Variants in C12orf56 observed in about 807,000 individuals in gnomAD.
C12orf56 encodes the protein chromosome 12 open reading frame 56, also known as uncharacterized protein C12orf56.
Under a neutral mutation model 69.9 loss-of-function variants are expected in C12orf56, and 71 were observed. The ratio of observed to expected loss-of-function variants is 1.02; its 90% CI spans 0.84 to 1.24. C12orf56 has a LOEUF of 1.24. Among genes scored for constraint, C12orf56 ranks in the 50% most tolerant of loss-of-function variants. The probability of loss-of-function intolerance (pLI) is 0.00; values close to 1 mark genes in which losing one functional copy is unlikely to be tolerated. For missense variants in C12orf56, 732 were observed against 738.5 expected, an observed-to-expected ratio of 0.99 and a Z score of 0.10; for synonymous variants, 276 against 274.1, an observed-to-expected ratio of 1.01 and a Z score of -0.07.
chr12:64,363,671 T>C (rs1044243542), intron 1 of C12orf56, among the ~76,000 whole-genome samples: 1 of 152,130 alleles, frequency 6.6e-6, no homozygotes, highest in Non-Finnish European at 1.5e-5. Flanking sequence ...CGTACAAATC[T>C]TTTTGCGGAA....
At chr12:64,323,216 A>C (rs1376668534) in intron 3 of C12orf56, among the ~76,000 whole-genome samples, 2 of 152,182 alleles carry the variant, frequency 1.3e-5, no homozygotes, top group African/African-American at 4.8e-5. Context: ...GGGACACTCA[A>C]GCCCCCAGTT....
intron 7 of C12orf56, 129 bp downstream of exon 7, chr12:64,285,825 A>C (rs2038193114): frequency 2.2e-6 from 1 of 458,602 alleles, no homozygotes; most frequent in Admixed American, 4.0e-5. Flanking sequence ...TAAAAATAAA[A>C]TCCACAGGAA....
At chr12:64,371,211 G>C (rs1050285417) in intron 1 of C12orf56, among the ~76,000 whole-genome samples, 2 of 151,788 alleles carry the variant, frequency 1.3e-5, no homozygotes, top group Non-Finnish European at 2.9e-5. Flanking sequence ...AGACCAGCCT[G>C]GCTAACACGG....
At chr12:64,389,150 A>G (rs963599638) in intron 1 of C12orf56, 2 of 152,162 alleles carry the variant, frequency 1.3e-5, no homozygotes, top group Non-Finnish European at 2.9e-5. Flanking sequence ...CCTGTCCCCA[A>G]CGGAAAAACC....
chr12:64,339,697 G>T (rs1404203148), intron 2 of C12orf56, among the ~76,000 whole-genome samples: 1 of 152,002 alleles, frequency 6.6e-6, no homozygotes, highest in Non-Finnish European at 1.5e-5. Context: ...TGAGTAGCTG[G>T]GACTACAGGT....
intron 9 of C12orf56, among the ~76,000 whole-genome samples, chr12:64,275,996 T>G (rs2038045324): frequency 1.2e-5 from 1 of 86,314 alleles, no homozygotes; most frequent in Non-Finnish European, 2.2e-5. Flanking sequence ...AATGTAGAAA[T>G]ACACACCCCC....
Position 64,286,078 on chromosome 12 carries a change from A to C in C12orf56, c.1114-18T>G. 6.9e-7 allele frequency: 1 copy of C among 1,450,440 alleles called. No homozygotes were observed. The highest frequency in any genetic ancestry group is 9.5e-7 in the Non-Finnish European group (1 of 1,048,456). 89.8% of individuals were successfully genotyped at this position (1,450,440 alleles called of 1,614,324 possible). On this transcript the variant is annotated intron_variant, in intron 6 of 12. Coordinates refer to ENST00000543942, the MANE Select transcript of C12orf56 (RefSeq NM_001170633.2). ...TCACTGGTCTGTGAAAGCAAGTTGG[A>C]AAAAAAGACAGTAATTAAGGTATCT...
chr12:64,354,564 T>C (rs546702853), intron 1 of C12orf56, among the ~76,000 whole-genome samples: 2 of 152,104 alleles, frequency 1.3e-5, no homozygotes, highest in African/African-American at 4.8e-5. Flanking sequence ...TACAAGCGAT[T>C]CTCCTGCCTC....
At chr12:64,307,313 A>G (rs1162666181) in intron 5 of C12orf56, among the ~76,000 whole-genome samples, 1 of 151,076 alleles carries the variant, frequency 6.6e-6, no homozygotes, top group East Asian at 1.9e-4. Context: ...TTACAAAATG[A>G]TTATCACACC....
At chr12:64,330,853 A>G in intron 3 of C12orf56, 107 bp downstream of exon 3, 1 of 849,198 alleles carries the variant, frequency 1.2e-6, no homozygotes, top group Non-Finnish European at 1.8e-6. Flanking sequence ...GATTAATAGA[A>G]CTCAGTCCAA....
At chr12:64,386,874 T>TTTGAGGCCAGGTGGTCAGGAGA (rs1173199112) in intron 1 of C12orf56, among the ~76,000 whole-genome samples, 1 of 149,442 alleles carries the variant, frequency 6.7e-6, no homozygotes, top group Non-Finnish European at 1.5e-5. Flanking sequence ...TGGTCAGGAG[T>TTTGAGGCCAGGTGGTCAGGAGA]TTGAGACCAG....
At chr12:64,297,923 A>G (rs919659793) in intron 6 of C12orf56, among the ~76,000 whole-genome samples, 6 of 152,310 alleles carry the variant, frequency 3.9e-5, no homozygotes, top group Non-Finnish European at 8.8e-5. Context: ...GCTGAGTTAA[A>G]TGGTATTTCT....
intron 8 of C12orf56, among the ~76,000 whole-genome samples, chr12:64,279,061 G>A (rs1178719792): frequency 6.6e-6 from 1 of 151,984 alleles, no homozygotes; most frequent in Admixed American, 6.6e-5. Flanking sequence ...TGTTAATAAT[G>A]TACAGCATTT....
chr12:64,328,734 T>A (rs2038887279), intron 3 of C12orf56, among the ~76,000 whole-genome samples: 4 of 121,968 alleles, frequency 3.3e-5, no homozygotes, highest in Non-Finnish European at 3.5e-5. Context: ...TATATATATA[T>A]ATAGTATCAC....
At chr12:64,310,825 C>T (rs2136822099) in intron 5 of C12orf56, among the ~76,000 whole-genome samples, 1 of 151,874 alleles carries the variant, frequency 6.6e-6, no homozygotes, top group Middle Eastern at 3.4e-3. Flanking sequence ...CCCATTAACT[C>T]GTCGTTTACA....
chr12:64,313,274 A>AGAAAGAAAGAAAGAAAG lies in C12orf56; in HGVS notation c.895-523_895-522insCTTTCTTTCTTTCTTTC, dbSNP rs1555188665. On this transcript the variant is annotated intron_variant, in intron 4 of 12. Transcript: ENST00000543942. ...GAGACTCTGTCTCAAAAAAAAAAAAAAAAGAAAGAAAGAAAGAAAGAAAGA... is the reference window on the plus strand; with the variant it reads ...GAGACTCTGTCTCAAAAAAAAAAAAAGAAAGAAAGAAAGAAAGAAAGAAAGAAAGAAAGAAAGAAAGA... Among the ~76,000 whole-genome samples, 7 of 81,404 alleles carry AGAAAGAAAGAAAGAAAG rather than the reference A, an allele frequency of 8.6e-5. No homozygotes were observed. The South Asian group carries it at 2.1e-3, about 25-fold the overall frequency. The allele number at this position is 81,404 out of a possible 152,430, so 53.4% of individuals were successfully genotyped here. A position where few individuals can be genotyped will look rare whatever the true frequency, so the allele number is the denominator to read the frequency against.
At chr12:64,380,103 G>GC (rs1565783002) in intron 1 of C12orf56, among the ~76,000 whole-genome samples, 1 of 19,742 alleles carries the variant, frequency 5.1e-5, no homozygotes, top group East Asian at 2.2e-3. Context: ...AGACTCCGTC[G>GC]CAAAAAAAAA....
chr12:64,380,029 C>T (rs1298174282), intron 1 of C12orf56, among the ~76,000 whole-genome samples: 3 of 135,200 alleles, frequency 2.2e-5, no homozygotes, highest in East Asian at 2.4e-4. Context: ...GGCGTGAACC[C>T]GGGAGGCGGA....
At position 64,375,865 on chromosome 12, in the gene C12orf56, T is replaced by G. The variant is rs140478408; in HGVS notation, c.252+14449A>C. On this transcript the variant is annotated intron_variant, in intron 1 of 12. Coordinates refer to ENST00000543942, the MANE Select transcript of C12orf56 (RefSeq NM_001170633.2). Reference sequence around the variant, plus strand: ...TTGTGATGTGCGATGAAAAGTGGATTTTATACTACAATCAGCGACAACCAG... The same window carrying G: ...TTGTGATGTGCGATGAAAAGTGGATGTTATACTACAATCAGCGACAACCAG... Among the ~76,000 whole-genome samples, 69 of 152,292 alleles carry G rather than the reference T, an allele frequency of 4.5e-4. 1 individual carries two copies. The South Asian group carries it at 6.6e-3, about 15-fold the overall frequency.
Sources: allele counts gnomAD v4.1 joint callset (sites outside exome capture counted in the v4.1 genomes callset), GRCh38; gene constraint gnomAD v4.1.1; transcripts MANE v1.5; gene names NCBI Gene and HGNC (gene_info 2026-07-23, HGNC 2026-07-21).